PACSIN2: variants seen among roughly 807,000 people sequenced by gnomAD.
PACSIN2 encodes protein kinase C and casein kinase substrate in neurons 2.
A neutral mutation model predicts 63.8 loss-of-function variants in PACSIN2; 25 were observed. The observed-to-expected ratio is 0.39, with a 90% confidence interval of 0.29 to 0.55. PACSIN2 has a LOEUF of 0.55. Among genes scored for constraint, PACSIN2 ranks in the 20% least tolerant of loss-of-function variants. The pLI is 0.62. For missense variants in PACSIN2, 518 were observed against 646.9 expected, an observed-to-expected ratio of 0.80 and a Z score of 2.16; for synonymous variants, 255 against 256.2, an observed-to-expected ratio of 1.00 and a Z score of 0.05.
chr22:42,898,345 C>T (rs1033912293), intron 2 of PACSIN2, among the ~76,000 whole-genome samples: 13 of 151,518 alleles, frequency 8.6e-5, no homozygotes. Context: ...GATCTCGGCT[C>T]ACCACAACCT....
rs145367209 is a variant in PACSIN2, at chr22:42,911,196, G to A, written c.60+825C>T. Among the ~76,000 whole-genome samples the A allele has an allele frequency of 5.0e-3, 757 of 152,058 alleles. 11 individuals carry two copies. Among genetic ancestry groups the A allele is most frequent in the African/African-American group, 0.017 (723 of 41,472 alleles). ...TGGGGTTACAGACATGAGCCACTGC[G>A]CCCGGCCATGCAAAGCCTCTTTCCA... is the stretch of plus-strand genomic sequence containing the variant. On this transcript the variant is annotated intron_variant, in intron 2 of 10. Coordinates refer to ENST00000263246, the MANE Select transcript of PACSIN2 (RefSeq NM_001184970.3).
rs1436495953 is a variant in PACSIN2, at chr22:42,871,453, C to G, written c.1365G>C (p.Lys455Asn). The G allele has an allele frequency of 6.2e-7, 1 of 1,613,968 alleles. No individual in the cohort carries two copies. Among genetic ancestry groups the G allele is most frequent in the Admixed American group, 1.7e-5 (1 of 60,028 alleles). Residue 455 changes from lysine (K) to asparagine (N), a missense_variant, in exon 11 of 11, where the codon AAG (lysine) becomes AAC (asparagine). By Grantham distance (94) the Lys-to-Asn change is moderately conservative. Coordinates refer to ENST00000263246, the MANE Select transcript of PACSIN2 (RefSeq NM_001184970.3). The surrounding 1 kb of genome is among the most constrained non-coding windows in gnomAD (Gnocchi z 5.4). ...AGCCCTGCTCATCCTCGTCCTCCAT[C>G]TTGGTCAGCTCATCCCCTGCAAGAC... ...LSFKAGDELTKMEDEDEQGWC... is the reference protein window; with the variant it reads ...LSFKAGDELTNMEDEDEQGWC...
chr22:42,930,316 A>C (rs1837842548), intron 1 of PACSIN2, among the ~76,000 whole-genome samples: 2 of 152,152 alleles, frequency 1.3e-5, no homozygotes, highest in African/African-American at 4.8e-5. Flanking sequence ...TCTCTGCCCC[A>C]ATTCCACAGC....
chr22:42,877,071 C>A (rs1424440129), intron 8 of PACSIN2, 61 bp from the exon 9 acceptor site: 2 of 1,576,130 alleles, frequency 1.3e-6, no homozygotes, highest in Non-Finnish European at 1.7e-6. Flanking sequence ...AGGGTCCTGG[C>A]AACTCCTAGC....
chr22:42,989,335 A>C (rs1206601658), intron 1 of PACSIN2, among the ~76,000 whole-genome samples: 3 of 151,886 alleles, frequency 2.0e-5, no homozygotes, highest in Non-Finnish European at 4.4e-5. Context: ...CATCTCTACT[A>C]AAAATACAAA....
At chr22:42,878,928 A>C in intron 8 of PACSIN2, 120 bp downstream of exon 8, 6 of 1,185,480 alleles carry the variant, frequency 5.1e-6, no homozygotes, top group Non-Finnish European at 2.3e-6. Context: ...CACGGCCCAC[A>C]GAGCTCAGGA....
At chr22:42,917,818 TCTCA>T in intron 1 of PACSIN2, among the ~76,000 whole-genome samples, 1 of 152,134 alleles carries the variant, frequency 6.6e-6, no homozygotes, top group Middle Eastern at 3.4e-3. Context: ...AGAGATGGGA[TCTCA>T]CTATGTTGCC....
intron 6 of PACSIN2, among the ~76,000 whole-genome samples, chr22:42,882,928 G>A (rs945799425): frequency 1.8e-4 from 28 of 152,250 alleles, no homozygotes; most frequent in Admixed American, 9.2e-4. Context: ...TTCCTCCTCC[G>A]TTGAGTGGGC....
chr22:42,987,530 C>CTTTTTTTTTTTTTT lies in PACSIN2; in HGVS notation c.-78+27477_-78+27490dup, dbSNP rs1160565529. Reference sequence around the variant, plus strand: ...TGTTCAGAAGACGGGCACATTCATTCTTTTTTTTTTTTTTTTTTGAGACAG... The same window carrying CTTTTTTTTTTTTTT: ...TGTTCAGAAGACGGGCACATTCATTCTTTTTTTTTTTTTTTTTTTTTTTTTTTTTTTTGAGACAG... On this transcript the variant is annotated intron_variant, in intron 1 of 10. Coordinates refer to ENST00000263246, the MANE Select transcript of PACSIN2 (RefSeq NM_001184970.3). Among the ~76,000 whole-genome samples, 146 of 52,026 alleles carry CTTTTTTTTTTTTTT rather than the reference C, an allele frequency of 2.8e-3. 45 individuals carry two copies. The highest frequency in any genetic ancestry group is 0.027 in the East Asian group (27 of 1,012). 34.1% of individuals were successfully genotyped at this position (52,026 alleles called of 152,430 possible). A position where few individuals can be genotyped will look rare whatever the true frequency, so the allele number is the denominator to read the frequency against.
chr22:42,876,122 G>A lies in PACSIN2; in HGVS notation c.1348+15C>T. The A allele has an allele frequency of 6.2e-7, 1 of 1,600,442 alleles. No individual in the cohort carries two copies. Among genetic ancestry groups the A allele is most frequent in the Non-Finnish European group, 8.6e-7 (1 of 1,168,708 alleles). On this transcript the variant is annotated intron_variant, in intron 10 of 10. Transcript: ENST00000263246. ...GGAAGCCCTCCTCCCCTGGATGCTG[G>A]GGGAGCCCACCTACCAGCCTTGAAG...
intron 1 of PACSIN2, among the ~76,000 whole-genome samples, chr22:43,014,191 G>A (rs1569382862): frequency 6.6e-6 from 1 of 151,488 alleles, no homozygotes; most frequent in Non-Finnish European, 1.5e-5. Flanking sequence ...GAGGAGTAAG[G>A]AGTTCGGATT....
At chr22:42,948,985 A>C (rs939724313) in intron 1 of PACSIN2, among the ~76,000 whole-genome samples, 3 of 152,204 alleles carry the variant, frequency 2.0e-5, no homozygotes, top group Non-Finnish European at 4.4e-5. Flanking sequence ...ATTAATAGCA[A>C]AAGTTTCCCT....
intron 1 of PACSIN2, among the ~76,000 whole-genome samples, chr22:42,944,463 A>G (rs189215285): frequency 6.6e-6 from 1 of 152,324 alleles, no homozygotes; most frequent in Admixed American, 6.5e-5. Context: ...ATGTACTCTA[A>G]CATTGCTAAT....
chr22:42,898,497 C>T (rs577379035), intron 2 of PACSIN2, among the ~76,000 whole-genome samples: 1 of 152,218 alleles, frequency 6.6e-6, no homozygotes, highest in Admixed American at 6.5e-5. Flanking sequence ...TCTCAAACTC[C>T]CGAACTCAGG....
intron 1 of PACSIN2, among the ~76,000 whole-genome samples, chr22:42,971,973 G>A (rs1921348705): frequency 6.6e-6 from 1 of 151,914 alleles, no homozygotes; most frequent in South Asian, 2.1e-4. Context: ...GAGGTGAGGA[G>A]CCCCTCTGCC....
chr22:43,009,782 A>G (rs926093202), intron 1 of PACSIN2, among the ~76,000 whole-genome samples: 6 of 152,166 alleles, frequency 3.9e-5, no homozygotes, highest in African/African-American at 1.4e-4. Context: ...TTCCAAAGGT[A>G]CAGCAAAATC....
intron 2 of PACSIN2, among the ~76,000 whole-genome samples, chr22:42,910,163 C>A (rs1034315136): frequency 6.6e-6 from 1 of 152,214 alleles, no homozygotes; most frequent in African/African-American, 2.4e-5. Flanking sequence ...CTTCACCTGT[C>A]CCCATTGCCT....
chr22:42,955,866 T>A (rs1440852343), intron 1 of PACSIN2, among the ~76,000 whole-genome samples: 1 of 152,228 alleles, frequency 6.6e-6, no homozygotes, highest in Non-Finnish European at 1.5e-5. Flanking sequence ...TTTTTCTTCA[T>A]GTGTCAGTTC....
intron 1 of PACSIN2, among the ~76,000 whole-genome samples, chr22:42,943,244 C>T (rs112579495): frequency 5.9e-5 from 9 of 152,190 alleles, no homozygotes; most frequent in Non-Finnish European, 1.0e-4. Context: ...ATCTTATATC[C>T]TACAACCTTG....
Sources: gnomAD v4.1 joint callset for allele counts (sites outside exome capture counted in the v4.1 genomes callset) on GRCh38, gnomAD v4.1.1 for gene constraint, Gnocchi (gnomAD v3.1) non-coding constraint, MANE v1.5 for transcripts, NCBI Gene and HGNC (gene_info 2026-07-23, HGNC 2026-07-21) for gene names.